ITGA9: variants seen among roughly 807,000 people sequenced by gnomAD.
ITGA9 encodes integrin alpha-9.
Under a neutral mutation model 127.8 loss-of-function variants are expected in ITGA9, and 56 were observed. That is an observed-to-expected ratio of 0.44 (90% CI 0.35 to 0.55). The LOEUF (loss-of-function observed/expected upper bound fraction) is 0.55. ITGA9 is among the 20% of genes least tolerant of loss of function. ITGA9 has a pLI of 0.00. For synonymous variants in ITGA9, 508 were observed against 514.5 expected, an observed-to-expected ratio of 0.99 and a Z score of 0.17; for missense variants, 1,196 against 1,347.1, an observed-to-expected ratio of 0.89 and a Z score of 1.76.
intron 16 of ITGA9, among the ~76,000 whole-genome samples, chr3:37,641,323 A>C (rs1700331605): frequency 6.6e-6 from 1 of 152,108 alleles, no homozygotes; most frequent in Admixed American, 6.5e-5. Flanking sequence ...TCATGGAAAA[A>C]TTATCTTTCA....
At chr3:37,570,361 G>A (rs77828498) in intron 15 of ITGA9, among the ~76,000 whole-genome samples, 9 of 152,344 alleles carry the variant, frequency 5.9e-5, no homozygotes, top group East Asian at 1.9e-4. Flanking sequence ...GAATAATGCC[G>A]TCGTTAACTG....
chr3:37,711,748 C>T (rs1701081727), intron 18 of ITGA9, among the ~76,000 whole-genome samples: 1 of 152,166 alleles, frequency 6.6e-6, no homozygotes, highest in African/African-American at 2.4e-5. Context: ...AATTTGTGAA[C>T]ATATTTTAAA....
intron 1 of ITGA9, among the ~76,000 whole-genome samples, chr3:37,465,959 T>A (rs1187155555): frequency 2.6e-5 from 4 of 152,070 alleles, no homozygotes; most frequent in South Asian, 4.1e-4. Flanking sequence ...CTGGGGTGCG[T>A]GCTACAGCTT....
At chr3:37,782,359 GTTC>G (rs1034467054) in intron 25 of ITGA9, among the ~76,000 whole-genome samples, 14 of 152,312 alleles carry the variant, frequency 9.2e-5, no homozygotes, top group African/African-American at 3.4e-4. Flanking sequence ...CTGCAGCCTG[GTTC>G]TTCTGCTTTT....
chr3:37,774,640 T>A (rs1192693613), intron 23 of ITGA9, among the ~76,000 whole-genome samples: 1 of 151,710 alleles, frequency 6.6e-6, no homozygotes, highest in Non-Finnish European at 1.5e-5. Flanking sequence ...GGAAGGAGGA[T>A]CACCTGAGCC....
intron 19 of ITGA9, among the ~76,000 whole-genome samples, chr3:37,736,488 C>A (rs1451516274): frequency 6.6e-5 from 10 of 152,154 alleles, no homozygotes; most frequent in Admixed American, 3.3e-4. Flanking sequence ...ATCCTGGATT[C>A]CCATCTATGA....
At chr3:37,795,869 G>T (rs972142220) in intron 26 of ITGA9, among the ~76,000 whole-genome samples, 1 of 152,062 alleles carries the variant, frequency 6.6e-6, no homozygotes, top group African/African-American at 2.4e-5. Flanking sequence ...CTTTTTCCTT[G>T]TACTCCCACA....
intron 18 of ITGA9, among the ~76,000 whole-genome samples, chr3:37,727,223 A>G (rs1174756369): frequency 1.3e-5 from 2 of 152,204 alleles, no homozygotes; most frequent in Non-Finnish European, 2.9e-5. Context: ...TTTTTACACC[A>G]TCAGAAAGTT....
At chr3:37,686,452 G>T (rs1222109956) in intron 18 of ITGA9, among the ~76,000 whole-genome samples, 1 of 152,176 alleles carries the variant, frequency 6.6e-6, no homozygotes, top group Non-Finnish European at 1.5e-5. Context: ...CGCAGGCGTG[G>T]TGAGTAGCCT....
Position 37,452,691 on chromosome 3 carries a change from C to A in ITGA9, c.185+132C>A, listed in dbSNP as rs1367624128. ...GGGGGCGATTTAAATGTCTCCGTTG[C>A]GCGCGGCTCGGCCGCCGGGGGACGG... On this transcript the variant is annotated intron_variant, in intron 1 of 27. Coordinates refer to ENST00000264741, the MANE Select transcript of ITGA9 (RefSeq NM_002207.3). The surrounding 1 kb of genome is among the most constrained non-coding windows in gnomAD (Gnocchi z 7.3). 6 of 795,820 alleles carry A rather than the reference C, an allele frequency of 7.5e-6. No individual in the cohort carries two copies. The highest frequency in any genetic ancestry group is 5.6e-5 in the African/African-American group (3 of 53,696). The allele number at this position is 795,820 out of a possible 1,614,324, so 49.3% of individuals were successfully genotyped here.
In ITGA9 at chr3:37,629,258, A is replaced by G. The variant is rs138705453; in HGVS notation, c.1761A>G (p.Gly587=). ...AAYSLSEHVT[G]EEERELPPLT... is the part of the protein sequence containing the mutation. Reference sequence around the variant, plus strand: ...ACAGCCTCAGTGAGCATGTGACTGGAGAGGAGGAGAGGGAACTGCCGCCTC... The same window carrying G: ...ACAGCCTCAGTGAGCATGTGACTGGGGAGGAGGAGAGGGAACTGCCGCCTC... The change falls in exon 16 of 28, where the codon GGA becomes GGG. Residue 587 remains glycine, a synonymous_variant. Coordinates refer to ENST00000264741, the MANE Select transcript of ITGA9 (RefSeq NM_002207.3). This position sits in a 1 kb window ranked among gnomAD's most constrained non-coding sequence, Gnocchi z 4.5. The G allele has an allele frequency of 1.4e-4, 219 of 1,613,834 alleles. 2 individuals carry two copies. The highest frequency in any genetic ancestry group is 1.2e-3 in the Middle Eastern group (7 of 5,980).
intron 15 of ITGA9, among the ~76,000 whole-genome samples, chr3:37,561,999 T>C (rs2125600195): frequency 6.6e-6 from 1 of 152,336 alleles, no homozygotes; most frequent in Admixed American, 6.5e-5. Flanking sequence ...CTGTATAGAA[T>C]GCCTGGGAAA....
chr3:37,554,474 G>A (rs1470959669), intron 15 of ITGA9, among the ~76,000 whole-genome samples: 1 of 152,002 alleles, frequency 6.6e-6, no homozygotes, highest in Non-Finnish European at 1.5e-5. Flanking sequence ...AGGGGGATGG[G>A]AGTGTGTGAG....
intron 15 of ITGA9, among the ~76,000 whole-genome samples, chr3:37,545,192 C>G (rs1184370687): frequency 6.6e-6 from 1 of 152,168 alleles, no homozygotes; most frequent in Non-Finnish European, 1.5e-5. Context: ...GTGGAGCTTT[C>G]TCAGTGGAGC....
At chr3:37,631,914 T>C (rs567462009) in intron 16 of ITGA9, among the ~76,000 whole-genome samples, 6 of 152,354 alleles carry the variant, frequency 3.9e-5, no homozygotes, top group South Asian at 2.1e-4. Context: ...CTGTTTAAGA[T>C]AGTGTGGGCG....
intron 18 of ITGA9, among the ~76,000 whole-genome samples, chr3:37,713,566 G>A (rs1325140376): frequency 6.6e-6 from 1 of 152,176 alleles, no homozygotes; most frequent in Non-Finnish European, 1.5e-5. Flanking sequence ...TCTGAGCGTG[G>A]AACTGAGCTG....
intron 2 of ITGA9, among the ~76,000 whole-genome samples, chr3:37,471,841 C>T (rs1320519796): frequency 6.6e-6 from 1 of 152,080 alleles, no homozygotes; most frequent in Non-Finnish European, 1.5e-5. Flanking sequence ...ATTGCTTGAG[C>T]CCAGAAGTTC....
At chr3:37,545,369 T>A (rs1355302161) in intron 15 of ITGA9, among the ~76,000 whole-genome samples, 1 of 151,830 alleles carries the variant, frequency 6.6e-6, no homozygotes, top group Non-Finnish European at 1.5e-5. Flanking sequence ...TATTCCAATC[T>A]TTTTTTTTCT....
rs1250315527 is a variant in ITGA9 at position 37,732,802 on chromosome 3, A to T, written c.2154+4A>T. On this transcript the variant is annotated splice_donor_region_variant and intron_variant, in intron 19 of 27. Transcript: ENST00000264741. Reference sequence around the variant, plus strand: ...TTTCATGAGGTCAAAGTCAAAGGTAAGGGACACAGACGGGACCCTTCCTCA... The same window carrying T: ...TTTCATGAGGTCAAAGTCAAAGGTATGGGACACAGACGGGACCCTTCCTCA... 7 of 1,603,878 alleles carry T rather than the reference A, an allele frequency of 4.4e-6. No homozygotes were observed. Among genetic ancestry groups the T allele is most frequent in the Admixed American group, 3.4e-5 (2 of 58,960 alleles).
Sources: gnomAD v4.1 joint callset for allele counts (sites outside exome capture counted in the v4.1 genomes callset) on GRCh38, gnomAD v4.1.1 for gene constraint, Gnocchi (gnomAD v3.1) non-coding constraint, MANE v1.5 for transcripts, NCBI Gene and HGNC (gene_info 2026-07-23, HGNC 2026-07-21) for gene names.